TENM3: variants seen among roughly 807,000 people sequenced by gnomAD.
The protein encoded by TENM3 is teneurin-3.
A neutral mutation model predicts 255.1 loss-of-function variants in TENM3; 63 were observed. The ratio of observed to expected loss-of-function variants is 0.25; its 90% CI spans 0.20 to 0.30. The LOEUF (loss-of-function observed/expected upper bound fraction) is 0.30. Ranked by LOEUF, TENM3 falls within the 10% of genes least tolerant of loss-of-function variation. The pLI, the probability that TENM3 is intolerant of heterozygous loss-of-function variation, is 1.00. For missense variants in TENM3, 2,929 were observed against 3,461.1 expected, an observed-to-expected ratio of 0.85 and a Z score of 3.86; for synonymous variants, 1,306 against 1,322.3, an observed-to-expected ratio of 0.99 and a Z score of 0.27.
the TENM3 span, among the ~76,000 whole-genome samples, chr4:181,511,568 C>T: frequency 6.6e-6 from 1 of 152,196 alleles, no homozygotes; most frequent in Non-Finnish European, 1.5e-5. Context: ...ACTCTGAGAG[C>T]CATGTCTGTA....
chr4:182,272,906 G>A (rs1166782018), intron 1 of TENM3, among the ~76,000 whole-genome samples: 2 of 152,178 alleles, frequency 1.3e-5, no homozygotes, highest in African/African-American at 2.4e-5. Flanking sequence ...GAGCATCAGA[G>A]ACTCGTAGGT....
intron 1 of TENM3, among the ~76,000 whole-genome samples, chr4:182,302,039 CT>C (rs1432415282): frequency 1.3e-5 from 2 of 152,166 alleles, no homozygotes; most frequent in Non-Finnish European, 2.9e-5. Flanking sequence ...GACTGGTAAG[CT>C]GTTTTATCAA....
chr4:181,545,566 T>C, the TENM3 span, among the ~76,000 whole-genome samples: 6,706 of 152,292 alleles, frequency 0.044, 226 homozygotes, highest in South Asian at 0.15. Flanking sequence ...CTTCTGAGGC[T>C]TTTAGAGGCT....
chr4:181,934,794 G>C, the TENM3 span, among the ~76,000 whole-genome samples: 3 of 152,006 alleles, frequency 2.0e-5, no homozygotes, highest in Non-Finnish European at 4.4e-5. Flanking sequence ...CCTAGTGTTC[G>C]AGTACTAGAA....
chr4:181,960,385 C>A, the TENM3 span, among the ~76,000 whole-genome samples: 200 of 152,162 alleles, frequency 1.3e-3, no homozygotes, highest in African/African-American at 4.7e-3. Flanking sequence ...GGATAAGGAG[C>A]GACCTACCTC....
At chr4:181,462,819 T>C in the TENM3 span, among the ~76,000 whole-genome samples, 20 of 152,224 alleles carry the variant, frequency 1.3e-4, no homozygotes, top group Admixed American at 1.2e-3. Flanking sequence ...TGATTTTCCA[T>C]TGCATGCTCA....
the TENM3 span, among the ~76,000 whole-genome samples, chr4:182,118,552 A>G: frequency 6.6e-6 from 1 of 151,968 alleles, no homozygotes; most frequent in Non-Finnish European, 1.5e-5. Context: ...AAGTGCTAGG[A>G]TTACAGGCAT....
At chr4:181,700,394 A>T in the TENM3 span, among the ~76,000 whole-genome samples, 7 of 152,320 alleles carry the variant, frequency 4.6e-5, no homozygotes, top group East Asian at 9.7e-4. Context: ...TGATCCAAAA[A>T]AGAATCCATC....
chr4:182,621,588 C>T (rs1309061573), intron 4 of TENM3, among the ~76,000 whole-genome samples: 3 of 95,480 alleles, frequency 3.1e-5, no homozygotes, highest in Admixed American at 1.1e-4. Flanking sequence ...CATAGGGAGA[C>T]CCCCATCTGT....
intron 3 of TENM3, among the ~76,000 whole-genome samples, chr4:182,565,645 A>G (rs1580957595): frequency 6.6e-6 from 1 of 152,206 alleles, no homozygotes; most frequent in Admixed American, 6.5e-5. Flanking sequence ...ATAAATTTTT[A>G]TAGTACCCTT....
chr4:182,713,415 A>G (rs1758905947), intron 12 of TENM3, among the ~76,000 whole-genome samples: 1 of 152,210 alleles, frequency 6.6e-6, no homozygotes, highest in East Asian at 1.9e-4. Context: ...TTGTTAGAAT[A>G]GATGCTAAGC....
At chr4:182,684,369 C>G (rs886546764) in intron 11 of TENM3, among the ~76,000 whole-genome samples, 1 of 136,262 alleles carries the variant, frequency 7.3e-6, no homozygotes. Flanking sequence ...GCCTGTTTAA[C>G]AGTAAGTGGC....
intron 3 of TENM3, among the ~76,000 whole-genome samples, chr4:182,429,263 G>A (rs1000279488): frequency 1.3e-5 from 2 of 152,142 alleles, no homozygotes; most frequent in African/African-American, 4.8e-5. Flanking sequence ...TCATAGGACT[G>A]TTAAACATTA....
chr4:181,628,810 A>C, the TENM3 span, among the ~76,000 whole-genome samples: 1 of 152,134 alleles, frequency 6.6e-6, no homozygotes, highest in Non-Finnish European at 1.5e-5. Flanking sequence ...TTGACTTGGC[A>C]GTGCGGCCTC....
the TENM3 span, among the ~76,000 whole-genome samples, chr4:181,783,177 G>T: frequency 3.3e-5 from 5 of 152,286 alleles, no homozygotes; most frequent in African/African-American, 7.2e-5. Context: ...GGATATCCTT[G>T]TTAAGTTTCT....
the TENM3 span, among the ~76,000 whole-genome samples, chr4:181,758,200 T>C: frequency 3.3e-5 from 5 of 152,152 alleles, no homozygotes; most frequent in African/African-American, 1.2e-4. Context: ...ATCTGTTGCA[T>C]TCATTTACCT....
chr4:181,470,108 T>TAAAAAAAAAAAAAAAAAAAAAAAAAA, the TENM3 span, among the ~76,000 whole-genome samples: 10 of 112,734 alleles, frequency 8.9e-5, no homozygotes, highest in African/African-American at 2.6e-4. Context: ...ATAGCTTCTG[T>TAAAAAAAAAAAAAAAAAAAAAAAAAA]AAAAAAAAAA....
At chr4:182,175,603 T>C (rs1386209592) in intron 1 of TENM3, among the ~76,000 whole-genome samples, 1 of 152,008 alleles carries the variant, frequency 6.6e-6, no homozygotes, top group Non-Finnish European at 1.5e-5. Flanking sequence ...ACAGGACAGG[T>C]TTTGACTGTC....
the TENM3 span, among the ~76,000 whole-genome samples, chr4:181,927,640 C>T: frequency 8.5e-5 from 13 of 152,232 alleles, no homozygotes; most frequent in Admixed American, 6.5e-5. Context: ...CCGAAGAGAG[C>T]AGCAGCTCTC....
Sources: allele counts gnomAD v4.1 joint callset (sites outside exome capture counted in the v4.1 genomes callset), GRCh38; gene constraint gnomAD v4.1.1; transcripts MANE v1.5; gene names NCBI Gene and HGNC (gene_info 2026-07-23, HGNC 2026-07-21).